EPB41L3: variants seen among roughly 807,000 people sequenced by gnomAD.
EPB41L3 encodes the protein erythrocyte membrane protein band 4.1 like 3.
EPB41L3 carries 57 observed loss-of-function variants against 127.1 expected under a neutral mutation model. The ratio of observed to expected loss-of-function variants is 0.45; its 90% CI spans 0.36 to 0.56. EPB41L3 has a LOEUF of 0.56. Ranked by LOEUF, EPB41L3 falls within the 20% of genes least tolerant of loss-of-function variation. EPB41L3 has a pLI of 0.00. For missense variants in EPB41L3, 1,273 were observed against 1,372.2 expected, an observed-to-expected ratio of 0.93 and a Z score of 1.14; for synonymous variants, 572 against 549.5, an observed-to-expected ratio of 1.04 and a Z score of -0.57.
Position 5,418,279 on chromosome 18 carries a change from A to G in EPB41L3, c.1506+1432T>C, listed in dbSNP as rs148147499. ...TTTTCCCACATCACAAATGGCACCAAGTGAGGACAGCTTAGTGCTACGTTT... is the reference window on the plus strand; with the variant it reads ...TTTTCCCACATCACAAATGGCACCAGGTGAGGACAGCTTAGTGCTACGTTT... On this transcript the variant is annotated intron_variant, in intron 12 of 22. Coordinates refer to ENST00000341928, the MANE Select transcript of EPB41L3 (RefSeq NM_012307.5). Among the ~76,000 whole-genome samples, 41 of 152,320 alleles carry G rather than the reference A, an allele frequency of 2.7e-4. No homozygotes were observed. The East Asian group carries it at 6.8e-3, about 25-fold the overall frequency.
chr18:5,497,478 G>C (rs1049498946), intron 1 of EPB41L3, among the ~76,000 whole-genome samples: 38 of 152,192 alleles, frequency 2.5e-4, no homozygotes, highest in African/African-American at 8.4e-4. Context: ...TGAGAGATGA[G>C]AAATGTACGA....
intron 2 of EPB41L3, among the ~76,000 whole-genome samples, chr18:5,482,138 T>G (rs531526322): frequency 6.6e-6 from 1 of 152,240 alleles, no homozygotes; most frequent in East Asian, 1.9e-4. Context: ...ATTCAGAAAT[T>G]TATCAGATAA....
At chr18:5,408,441 T>A (rs949036593) in intron 14 of EPB41L3, among the ~76,000 whole-genome samples, 1 of 151,658 alleles carries the variant, frequency 6.6e-6, no homozygotes, top group South Asian at 2.1e-4. Context: ...GCCTAGCTAA[T>A]TTTTTGTATT....
At chr18:5,602,294 A>T (rs1489860800) in intron 3 of EPB41L3, among the ~76,000 whole-genome samples, 1 of 152,200 alleles carries the variant, frequency 6.6e-6, no homozygotes, top group Non-Finnish European at 1.5e-5. Context: ...TGCCAGTATT[A>T]ATCATAGCAA....
intron 3 of EPB41L3, among the ~76,000 whole-genome samples, chr18:5,465,420 G>A (rs984833072): frequency 3.3e-5 from 5 of 151,932 alleles, no homozygotes; most frequent in South Asian, 2.1e-4. Flanking sequence ...AATATTTTTC[G>A]GTGTCTTATA....
chr18:5,478,216 GA>G (rs1366518683), intron 3 of EPB41L3, 24 bp downstream of exon 3: 4 of 1,605,756 alleles, frequency 2.5e-6, no homozygotes, highest in Non-Finnish European at 3.4e-6. Context: ...ATCTAGGACA[GA>G]AAAGTCTTAA....
chr18:5,564,330 C>T (rs575846197), intron 3 of EPB41L3, among the ~76,000 whole-genome samples: 3 of 152,146 alleles, frequency 2.0e-5, no homozygotes, highest in Non-Finnish European at 4.4e-5. Flanking sequence ...TTAATTCCCT[C>T]AATAACTCTA....
In EPB41L3 at chr18:5,419,703, A is replaced by T. The variant is rs776409140; in HGVS notation, c.1506+8T>A. 3.3e-5 allele frequency: 53 copies of T among 1,613,508 alleles called. No individual in the cohort carries two copies. The highest frequency in any genetic ancestry group is 4.5e-5 in the Non-Finnish European group (53 of 1,179,950). On this transcript the variant is annotated splice_region_variant and intron_variant, in intron 12 of 22. Coordinates refer to ENST00000341928, the MANE Select transcript of EPB41L3 (RefSeq NM_012307.5). ...AGCAAGCTCTTGCAGGCAGTCTGGG[A>T]GCTATACCTTTCCCTCGTGCCGGAT...
At chr18:5,534,063 T>C (rs2093496004) in intron 1 of EPB41L3, among the ~76,000 whole-genome samples, 1 of 152,084 alleles carries the variant, frequency 6.6e-6, no homozygotes, top group Non-Finnish European at 1.5e-5. Flanking sequence ...CTTGGGAGTC[T>C]GAGGCAGGAG....
chr18:5,504,249 AC>A (rs2091973741), intron 1 of EPB41L3, among the ~76,000 whole-genome samples: 1 of 151,956 alleles, frequency 6.6e-6, no homozygotes, highest in African/African-American at 2.4e-5. Flanking sequence ...CTGAACACTC[AC>A]CCTGAGTTGG....
At chr18:5,396,437 T>A in intron 18 of EPB41L3, 105 bp from the exon 19 acceptor site, 1 of 1,343,924 alleles carries the variant, frequency 7.4e-7, no homozygotes, top group Non-Finnish European at 1.0e-6. Context: ...TAGTATGCTA[T>A]AAATGTTTAT....
intron 3 of EPB41L3, among the ~76,000 whole-genome samples, chr18:5,447,210 G>A (rs2081594071): frequency 6.6e-6 from 1 of 152,102 alleles, no homozygotes; most frequent in Admixed American, 6.6e-5. Context: ...ATCAAATAAT[G>A]TATTCAAATG....
At chr18:5,478,178 T>C in intron 3 of EPB41L3, 63 bp downstream of exon 3, 1 of 1,477,196 alleles carries the variant, frequency 6.8e-7, no homozygotes, top group South Asian at 1.2e-5. Flanking sequence ...TCTTGTATAT[T>C]TTATACCAAC....
At chr18:5,589,027 T>C (rs971833306) in intron 3 of EPB41L3, among the ~76,000 whole-genome samples, 14 of 152,280 alleles carry the variant, frequency 9.2e-5, no homozygotes, top group South Asian at 2.1e-4. Flanking sequence ...TTGTACTACA[T>C]TGCACTTAGA....
At chr18:5,576,763 C>T (rs1025314351) in intron 3 of EPB41L3, among the ~76,000 whole-genome samples, 2 of 152,220 alleles carry the variant, frequency 1.3e-5, no homozygotes, top group Non-Finnish European at 2.9e-5. Flanking sequence ...TTTACAATTA[C>T]TTACAAAATA....
chr18:5,443,769 T>C, intron 5 of EPB41L3, 69 bp downstream of exon 5: 2 of 1,332,492 alleles, frequency 1.5e-6, no homozygotes, highest in Admixed American at 3.9e-5. Flanking sequence ...AGGTATGGGC[T>C]ACCAATTCAG....
intron 3 of EPB41L3, among the ~76,000 whole-genome samples, chr18:5,465,558 A>C (rs2147267939): frequency 6.6e-6 from 1 of 152,292 alleles, no homozygotes. Context: ...TTAGAAGGGA[A>C]TATATGTTTT....
chr18:5,533,113 C>A (rs1007674375), intron 1 of EPB41L3, among the ~76,000 whole-genome samples: 2 of 152,094 alleles, frequency 1.3e-5, no homozygotes, highest in East Asian at 3.9e-4. Context: ...ACTCCAAAAT[C>A]GCAATTTTTG....
At chr18:5,624,107 T>C (rs2094896298) in intron 1 of EPB41L3, among the ~76,000 whole-genome samples, 1 of 152,066 alleles carries the variant, frequency 6.6e-6, no homozygotes, top group Non-Finnish European at 1.5e-5. Flanking sequence ...GGTTCAACTG[T>C]TCCTCCTGCC....
Sources: allele counts gnomAD v4.1 joint callset (sites outside exome capture counted in the v4.1 genomes callset), GRCh38; gene constraint gnomAD v4.1.1; transcripts MANE v1.5; gene names NCBI Gene and HGNC (gene_info 2026-07-23, HGNC 2026-07-21).